The following LDHC variants were observed in gnomAD, a reference collection of about 807,000 sequenced individuals.
The protein encoded by LDHC is L-lactate dehydrogenase C chain.
In LDHC, 20 loss-of-function variants were observed where a neutral mutation model predicts 30.2. The ratio of observed to expected loss-of-function variants is 0.66; its 90% CI spans 0.47 to 0.96. LDHC has a LOEUF of 0.96. Ranked by LOEUF, LDHC falls within the 40% of genes least tolerant of loss-of-function variation. LDHC has a pLI of 0.00. For synonymous variants in LDHC, 139 were observed against 132.7 expected, an observed-to-expected ratio of 1.05 and a Z score of -0.32; for missense variants, 362 against 394.9, an observed-to-expected ratio of 0.92 and a Z score of 0.71.
chr11:18,443,013 T>C (rs1268634546), intron 6 of LDHC, among the ~76,000 whole-genome samples: 1 of 152,178 alleles, frequency 6.6e-6, no homozygotes, highest in Non-Finnish European at 1.5e-5. Context: ...AATTGAAAGT[T>C]TTAGGTCAAT....
rs369553713 is a variant in LDHC, at chr11:18,412,777, G to C, written c.60G>C (p.Gln20His). The C allele has an allele frequency of 4.3e-6, 7 of 1,613,996 alleles. No homozygotes were observed. Among genetic ancestry groups the C allele is most frequent in the Non-Finnish European group, 5.9e-6 (7 of 1,179,838 alleles). ...EKLIEDDENS[Q>H]CKITIVGTGA... ...TAATTGAGGATGATGAAAACTCCCA[G>C]TGTAAAATTACTATTGTTGGAACTG... Residue 20 changes from glutamine to histidine, a missense_variant, in exon 2 of 8, where the codon CAG becomes CAC. Transcript: ENST00000541669.
At position 18,448,509 on chromosome 11, in the gene LDHC, G is replaced by A. The variant is rs552373315; in HGVS notation, c.834+2176G>A. Among the ~76,000 whole-genome samples, 17 of 152,128 alleles carry A rather than the reference G, an allele frequency of 1.1e-4. No individual in the cohort carries two copies. The East Asian group carries it at 2.1e-3, about 19-fold the overall frequency. On this transcript the variant is annotated intron_variant, in intron 7 of 7. Transcript: ENST00000541669. ...CTGCTGCCAGGCTGGTCTTGAACTC[G>A]TGACCTGAAGCGATCCAACCACCTC...
chr11:18,430,631 G>A (rs1401145603), intron 4 of LDHC, among the ~76,000 whole-genome samples: 1 of 152,060 alleles, frequency 6.6e-6, no homozygotes, highest in African/African-American at 2.4e-5. Flanking sequence ...TAAAGTGCTG[G>A]GATTACAGAT....
At chr11:18,420,798 A>T (rs1420445136) in intron 3 of LDHC, among the ~76,000 whole-genome samples, 1 of 152,178 alleles carries the variant, frequency 6.6e-6, no homozygotes, top group Non-Finnish European at 1.5e-5. Flanking sequence ...GATGCAAGAC[A>T]AAAAATGAAG....
intron 7 of LDHC, among the ~76,000 whole-genome samples, chr11:18,448,685 C>G (rs1848597868): frequency 6.6e-6 from 1 of 151,552 alleles, no homozygotes; most frequent in Admixed American, 6.6e-5. Flanking sequence ...ACTTTTACTA[C>G]TTCACATTTT....
intron 6 of LDHC, among the ~76,000 whole-genome samples, chr11:18,440,261 C>G (rs1848442425): frequency 6.6e-6 from 1 of 151,778 alleles, no homozygotes; most frequent in Admixed American, 6.6e-5. Context: ...TTGCAGTGAG[C>G]CAAGATCACA....
chr11:18,413,536 C>T (rs1317786488), intron 2 of LDHC, among the ~76,000 whole-genome samples: 3 of 151,004 alleles, frequency 2.0e-5, no homozygotes, highest in Non-Finnish European at 4.4e-5. Context: ...GATCTCGGCT[C>T]CCGGCAACCT....
chr11:18,412,671 G>T, intron 1 of LDHC, 38 bp from the exon 2 acceptor site: 1 of 1,585,086 alleles, frequency 6.3e-7, no homozygotes, highest in Non-Finnish European at 8.6e-7. Flanking sequence ...TAGATGTTCA[G>T]TGTGGTTAAT....
In LDHC at chr11:18,434,939, G is replaced by A. The variant is rs769056269; in HGVS notation, c.592+26G>A. 44 of 1,492,456 alleles carry A rather than the reference G, an allele frequency of 2.9e-5. No homozygotes were observed. The South Asian group carries it at 3.6e-4, about 12-fold the overall frequency. 92.5% of individuals were successfully genotyped at this position (1,492,456 alleles called of 1,614,324 possible). On this transcript the variant is annotated intron_variant, in intron 5 of 7. Coordinates refer to ENST00000541669, the MANE Select transcript of LDHC (RefSeq NM_017448.5). ...GTAAGTATAAATCTATTATTATTAC[G>A]TGACTACCCTTCTTATCTCTACTAG...
chr11:18,429,944 G>A, intron 4 of LDHC, 34 bp downstream of exon 4: 4 of 1,365,512 alleles, frequency 2.9e-6, no homozygotes, highest in Non-Finnish European at 4.1e-6. Flanking sequence ...ATTGCATAAG[G>A]ATGATCTTTC....
chr11:18,441,780 C>T (rs567890843), intron 6 of LDHC, among the ~76,000 whole-genome samples: 33 of 152,104 alleles, frequency 2.2e-4, no homozygotes, highest in African/African-American at 6.3e-4. Context: ...GGCTTGGTGG[C>T]GGGCGCCTGT....
intron 7 of LDHC, chr11:18,450,280 G>A (rs1848632212): frequency 6.5e-6 from 1 of 153,456 alleles, no homozygotes; most frequent in Non-Finnish European, 1.5e-5. Flanking sequence ...GAGGTTCCAG[G>A]GGCCCAGGAT....
At chr11:18,436,059 G>C (rs1188248833) in intron 5 of LDHC, among the ~76,000 whole-genome samples, 1 of 152,098 alleles carries the variant, frequency 6.6e-6, no homozygotes, top group East Asian at 1.9e-4. Flanking sequence ...AAAATATTTA[G>C]AGTGCCCTTT....
rs549705891 is a variant in LDHC at position 18,413,351 on chromosome 11, G to C, written c.126+508G>C. On this transcript the variant is annotated intron_variant, in intron 2 of 7. Transcript: ENST00000541669. ...GCCTGCCTCGGCCTCCCAGAGTACT[G>C]GGATTACAGGCATGAGCCACCACAC... is the stretch of plus-strand genomic sequence containing the variant. 1.8e-4 allele frequency among the ~76,000 whole-genome samples: 27 copies of C among 151,988 alleles called. No homozygotes were observed. The South Asian group carries it at 5.6e-3, about 32-fold the overall frequency.
intron 3 of LDHC, among the ~76,000 whole-genome samples, chr11:18,425,313 G>T (rs1848143017): frequency 6.6e-6 from 1 of 151,844 alleles, no homozygotes; most frequent in African/African-American, 2.4e-5. Context: ...GCCTCCAGAG[G>T]ACAAATGTGA....
intron 2 of LDHC, among the ~76,000 whole-genome samples, chr11:18,413,872 A>G (rs2134043121): frequency 6.6e-6 from 1 of 152,380 alleles, no homozygotes; most frequent in African/African-American, 2.4e-5. Flanking sequence ...CACATGTGAC[A>G]AAAACCCAGT....
At chr11:18,449,292 T>C (rs1848613701) in intron 7 of LDHC, among the ~76,000 whole-genome samples, 1 of 150,876 alleles carries the variant, frequency 6.6e-6, no homozygotes, top group African/African-American at 2.4e-5. Flanking sequence ...AAAAGAAAAA[T>C]AGCCAGGCAT....
chr11:18,412,607 T>C (rs1321404149), intron 1 of LDHC, 102 bp from the exon 2 acceptor site: 2 of 1,082,950 alleles, frequency 1.8e-6, no homozygotes, highest in Non-Finnish European at 2.7e-6. Flanking sequence ...ATTCTTTCTT[T>C]GGCTTCCCCC....
intron 6 of LDHC, among the ~76,000 whole-genome samples, chr11:18,442,003 T>C (rs1307147309): frequency 1.3e-5 from 2 of 152,192 alleles, no homozygotes; most frequent in Non-Finnish European, 2.9e-5. Context: ...AGAAGGAAGC[T>C]GACATGGGGG....
Sources: gnomAD v4.1 joint callset for allele counts (sites outside exome capture counted in the v4.1 genomes callset) on GRCh38, gnomAD v4.1.1 for gene constraint, MANE v1.5 for transcripts, NCBI Gene and HGNC (gene_info 2026-07-23, HGNC 2026-07-21) for gene names.